The following LRRC2 variants were observed in gnomAD, a reference collection of about 807,000 sequenced individuals.
LRRC2 encodes leucine rich repeat containing 2.
LRRC2 carries 27 observed loss-of-function variants against 40.2 expected under a neutral mutation model. The ratio of observed to expected loss-of-function variants is 0.67; its 90% CI spans 0.49 to 0.93. LRRC2 has a LOEUF of 0.93. Ranked by LOEUF, LRRC2 falls within the 40% of genes least tolerant of loss-of-function variation. The probability of loss-of-function intolerance (pLI) is 0.00; values close to 1 mark genes in which losing one functional copy is unlikely to be tolerated. For synonymous variants in LRRC2, 147 were observed against 158.9 expected, an observed-to-expected ratio of 0.92 and a Z score of 0.56; for missense variants, 402 against 439.6, an observed-to-expected ratio of 0.91 and a Z score of 0.76.
intron 6 of LRRC2, 70 bp downstream of exon 6, chr3:46,529,835 T>G (rs1033510887): frequency 2.0e-6 from 3 of 1,507,720 alleles, no homozygotes; most frequent in African/African-American, 2.8e-5. Context: ...TATACATGTT[T>G]CAAATGTTAA....
At chr3:46,545,455 T>C (rs1032584379) in intron 2 of LRRC2, among the ~76,000 whole-genome samples, 1 of 152,240 alleles carries the variant, frequency 6.6e-6, no homozygotes, top group Non-Finnish European at 1.5e-5. Context: ...ACTTCAACTT[T>C]AAAAGTAGAG....
chr3:46,551,226 C>T (rs530923618), intron 2 of LRRC2: 53 of 319,584 alleles, frequency 1.7e-4, no homozygotes, highest in Non-Finnish European at 2.4e-4. Flanking sequence ...CGTGTCATCT[C>T]GGTCTTCCTC....
chr3:46,525,749 C>T (rs888162196), intron 7 of LRRC2, among the ~76,000 whole-genome samples: 5 of 152,116 alleles, frequency 3.3e-5, no homozygotes, highest in African/African-American at 1.2e-4. Flanking sequence ...TCTTTACCGC[C>T]TTTTCACCCA....
intron 6 of LRRC2, among the ~76,000 whole-genome samples, 156 bp from the exon 7 acceptor site, chr3:46,527,737 T>A (rs566475468): frequency 1.2e-4 from 19 of 152,208 alleles, no homozygotes; most frequent in African/African-American, 4.3e-4. Flanking sequence ...GTTCTTCGTT[T>A]TTTTTTTTGA....
intron 8 of LRRC2, among the ~76,000 whole-genome samples, chr3:46,519,571 G>A (rs574249973): frequency 2.6e-4 from 39 of 152,308 alleles, no homozygotes; most frequent in African/African-American, 9.4e-4. Flanking sequence ...TTTTGTCAAA[G>A]GATGGTCTAT....
intron 5 of LRRC2, among the ~76,000 whole-genome samples, chr3:46,531,640 G>A (rs1386837886): frequency 1.3e-5 from 2 of 152,180 alleles, no homozygotes; most frequent in Non-Finnish European, 2.9e-5. Context: ...GCCATTGCCT[G>A]AACTGGAAAA....
chr3:46,541,467 A>T (rs886770604), intron 3 of LRRC2, among the ~76,000 whole-genome samples: 7 of 152,234 alleles, frequency 4.6e-5, no homozygotes, highest in African/African-American at 7.2e-5. Flanking sequence ...CATTAAAGAC[A>T]ACAGTACAGG....
intron 4 of LRRC2, among the ~76,000 whole-genome samples, chr3:46,537,995 G>A (rs1296018116): frequency 1.3e-5 from 2 of 152,222 alleles, no homozygotes; most frequent in African/African-American, 2.4e-5. Flanking sequence ...GGGAGCAGGT[G>A]TCTCCTCATC....
At chr3:46,564,464 A>G (rs148083786) in intron 1 of LRRC2, among the ~76,000 whole-genome samples, 2 of 152,188 alleles carry the variant, frequency 1.3e-5, no homozygotes, top group African/African-American at 4.8e-5. Flanking sequence ...TTCTTGTCAA[A>G]TTACACTGGG....
intron 1 of LRRC2, among the ~76,000 whole-genome samples, chr3:46,552,317 G>A (rs941909282): frequency 5.3e-5 from 8 of 150,980 alleles, no homozygotes; most frequent in South Asian, 2.1e-4. Flanking sequence ...AGGCAGGCAC[G>A]CACACACATC....
intron 7 of LRRC2, among the ~76,000 whole-genome samples, chr3:46,525,212 C>T (rs1704036946): frequency 6.6e-6 from 1 of 151,630 alleles, no homozygotes; most frequent in African/African-American, 2.4e-5. Flanking sequence ...CCTCAGCCAC[C>T]CAGGTAGCTG....
rs769683488 is a variant in LRRC2, at chr3:46,545,047, G to A, written c.332C>T (p.Thr111Met). Residue 111 changes from threonine to methionine, a missense_variant and splice_region_variant, in exon 3 of 9, where the codon ACG (threonine) becomes ATG (methionine). Transcript: ENST00000395905. ...TGGGCGAGAACTGCCTCGACTCACC[G>A]TCCAGTGCTCCCCAGAAAGTTCAAA... ...FVFELSGEHW[T>M]ELPDSLKEQT... 2.3e-4 allele frequency: 378 copies of A among 1,612,148 alleles called. 4 individuals are homozygous for A. In the Admixed American group the frequency reaches 5.6e-3, roughly 24 times the overall value.
Position 46,527,455 on chromosome 3 carries a change from A to G in LRRC2, c.900T>C (p.Thr300=), listed in dbSNP as rs1268273836. ...AAGGTGTGGATGAGTCACAAAGGGC[A>G]GTTGGGAGCTCCACCAAATGGTCCC... ...VSGDHLVELP[T]ALCDSSTPLK... The change falls in exon 7 of 9, where the codon ACT becomes ACC. Residue 300 remains threonine, a synonymous_variant. Coordinates refer to ENST00000395905, the MANE Select transcript of LRRC2 (RefSeq NM_024512.5). 1 of 1,613,934 alleles carries G rather than the reference A, an allele frequency of 6.2e-7. No individual in the cohort carries two copies. Among genetic ancestry groups the G allele is most frequent in the East Asian group, 2.2e-5 (1 of 44,874 alleles).
chr3:46,543,524 G>C (rs9825292), intron 3 of LRRC2, among the ~76,000 whole-genome samples: 1 of 151,990 alleles, frequency 6.6e-6, no homozygotes, highest in Admixed American at 6.6e-5. Context: ...GCTGAGGCAG[G>C]AGAATGGCGT....
chr3:46,551,746 G>C, intron 1 of LRRC2, 136 bp from the exon 2 acceptor site: 1 of 187,094 alleles, frequency 5.3e-6, no homozygotes, highest in Non-Finnish European at 9.0e-6. Context: ...AAGGATGACA[G>C]TTTGCTTTTT....
intron 5 of LRRC2, among the ~76,000 whole-genome samples, chr3:46,531,224 T>C (rs2106994855): frequency 6.6e-6 from 1 of 150,550 alleles, no homozygotes; most frequent in South Asian, 2.1e-4. Context: ...GATCTCAGCC[T>C]CCACCTCCCA....
At chr3:46,526,387 C>T (rs1350236923) in intron 7 of LRRC2, among the ~76,000 whole-genome samples, 1 of 152,166 alleles carries the variant, frequency 6.6e-6, no homozygotes, top group Non-Finnish European at 1.5e-5. Flanking sequence ...AAGCCTGCTT[C>T]CAGGGGCTGG....
At chr3:46,529,826 A>G (rs1704126620) in intron 6 of LRRC2, 79 bp downstream of exon 6, 4 of 1,436,506 alleles carry the variant, frequency 2.8e-6, no homozygotes, top group Admixed American at 1.8e-5. Context: ...TTCATGTACT[A>G]TACATGTTTC....
intron 1 of LRRC2, among the ~76,000 whole-genome samples, chr3:46,565,516 G>A (rs1326530634): frequency 2.6e-5 from 4 of 152,178 alleles, no homozygotes; most frequent in Non-Finnish European, 5.9e-5. Context: ...GCATCCGAGG[G>A]TTTTTCCTCC....
Sources: allele counts gnomAD v4.1 joint callset (sites outside exome capture counted in the v4.1 genomes callset), GRCh38; gene constraint gnomAD v4.1.1; transcripts MANE v1.5; gene names NCBI Gene and HGNC (gene_info 2026-07-23, HGNC 2026-07-21).